The following APBA2 variants were observed in gnomAD, a reference collection of about 807,000 sequenced individuals.
APBA2 encodes amyloid-beta A4 precursor protein-binding family A member 2.
Under a neutral mutation model 75.0 loss-of-function variants are expected in APBA2, and 30 were observed. The ratio of observed to expected loss-of-function variants is 0.40; its 90% CI spans 0.30 to 0.54. The LOEUF (loss-of-function observed/expected upper bound fraction) is 0.54. APBA2 is among the 20% of genes least tolerant of loss of function. The pLI is 0.49. For missense variants in APBA2, 801 were observed against 1,016.1 expected, an observed-to-expected ratio of 0.79 and a Z score of 2.88; for synonymous variants, 444 against 409.6, an observed-to-expected ratio of 1.08 and a Z score of -1.01.
chr15:29,006,535 CA>C (rs1296578858), intron 3 of APBA2, among the ~76,000 whole-genome samples: 3 of 152,146 alleles, frequency 2.0e-5, no homozygotes, highest in African/African-American at 7.2e-5. Context: ...GGGTAATTTA[CA>C]AAGGAAAGAG....
intron 2 of APBA2, among the ~76,000 whole-genome samples, chr15:28,963,417 C>G (rs1364408415): frequency 6.6e-6 from 1 of 152,186 alleles, no homozygotes; most frequent in East Asian, 1.9e-4. Context: ...TGAAAGATGT[C>G]CTTTCATCCT....
intron 13 of APBA2, among the ~76,000 whole-genome samples, chr15:29,110,000 G>C (rs985524688): frequency 1.3e-5 from 2 of 152,204 alleles, no homozygotes; most frequent in African/African-American, 4.8e-5. Context: ...GGCCTGGTCC[G>C]GCTCTGCCTG....
At chr15:28,944,019 T>C (rs1413660534) in intron 2 of APBA2, among the ~76,000 whole-genome samples, 2 of 152,088 alleles carry the variant, frequency 1.3e-5, no homozygotes, top group African/African-American at 2.4e-5. Context: ...GCCCTAAACC[T>C]TGCATCCTGC....
chr15:29,059,530 G>T (rs71469197), intron 4 of APBA2, among the ~76,000 whole-genome samples: 1 of 152,102 alleles, frequency 6.6e-6, no homozygotes. Flanking sequence ...GTGATCTAGG[G>T]TCAGGGAAAT....
intron 2 of APBA2, among the ~76,000 whole-genome samples, chr15:28,952,859 A>G (rs2035964088): frequency 3.3e-5 from 5 of 152,234 alleles, no homozygotes. Flanking sequence ...TTGTATAGAT[A>G]GAGAAACTGA....
intron 3 of APBA2, among the ~76,000 whole-genome samples, chr15:29,029,740 G>A (rs922674751): frequency 1.3e-5 from 2 of 152,134 alleles, no homozygotes; most frequent in Admixed American, 6.5e-5. Context: ...GGGAAGGTGT[G>A]GTTCAGCAGT....
At chr15:29,057,192 A>G (rs1335048000) in intron 4 of APBA2, among the ~76,000 whole-genome samples, 1 of 152,168 alleles carries the variant, frequency 6.6e-6, no homozygotes, top group African/African-American at 2.4e-5. Context: ...TAGATGCTGT[A>G]GACTCCTGTT....
At chr15:28,972,696 A>G (rs1436471888) in intron 2 of APBA2, among the ~76,000 whole-genome samples, 1 of 152,256 alleles carries the variant, frequency 6.6e-6, no homozygotes, top group African/African-American at 2.4e-5. Context: ...ATCAGCTGGC[A>G]TTAGTGATAT....
At chr15:29,012,483 C>T (rs1566905397) in intron 3 of APBA2, among the ~76,000 whole-genome samples, 1 of 152,344 alleles carries the variant, frequency 6.6e-6, no homozygotes, top group East Asian at 1.9e-4. Context: ...ATGTTACCCT[C>T]AATCGTCTGA....
At chr15:29,017,389 CTTTCTTTCTT>C (rs2039717417) in intron 3 of APBA2, among the ~76,000 whole-genome samples, 1 of 131,518 alleles carries the variant, frequency 7.6e-6, no homozygotes, top group South Asian at 2.4e-4. Context: ...ATCTTCTTTT[CTTTCTTTCTT>C]TTTTTTTTTT....
intron 13 of APBA2, among the ~76,000 whole-genome samples, chr15:29,112,719 C>T (rs569182912): frequency 2.0e-5 from 3 of 152,308 alleles, no homozygotes; most frequent in South Asian, 4.1e-4. Flanking sequence ...AACTTAAAAT[C>T]GAGCATCATA....
intron 4 of APBA2, among the ~76,000 whole-genome samples, chr15:29,064,780 T>C (rs1253196113): frequency 6.6e-6 from 1 of 151,736 alleles, no homozygotes; most frequent in Non-Finnish European, 1.5e-5. Context: ...ACTGGGGAGC[T>C]GAGGGGAGGG....
chr15:29,113,935 C>T lies in APBA2; in HGVS notation c.2097C>T (p.Arg699=), dbSNP rs1334836276. The change falls in exon 14 of 15, where the codon CGC becomes CGT. Residue 699 remains arginine, a synonymous_variant. Transcript: ENST00000683413. ...GAGGGGGCGTCCGTGTGGGCCACCG[C>T]ATCATCGAGATCAACGGGCAGAGCG... ...AERGGVRVGH[R]IIEINGQSVV... is the part of the protein sequence containing the mutation. The T allele has an allele frequency of 6.2e-7, 1 of 1,613,578 alleles. No homozygotes were observed. The highest frequency in any genetic ancestry group is 1.3e-5 in the African/African-American group (1 of 75,048).
chr15:29,033,363 A>G (rs951452142), intron 3 of APBA2, among the ~76,000 whole-genome samples: 2 of 152,078 alleles, frequency 1.3e-5, no homozygotes, highest in African/African-American at 4.8e-5. Flanking sequence ...TTCTCCTACC[A>G]TGTATTAATA....
chr15:29,033,393 C>G (rs1381716555), intron 3 of APBA2, among the ~76,000 whole-genome samples: 1 of 152,084 alleles, frequency 6.6e-6, no homozygotes, highest in Non-Finnish European at 1.5e-5. Context: ...GCCTTAAACC[C>G]CTGATTCAAA....
At chr15:28,967,067 C>T (rs917402965) in intron 2 of APBA2, among the ~76,000 whole-genome samples, 2 of 152,182 alleles carry the variant, frequency 1.3e-5, no homozygotes, top group Admixed American at 1.3e-4. Context: ...GTCTCTTTTT[C>T]TGTTTGAAGA....
intron 3 of APBA2, among the ~76,000 whole-genome samples, chr15:29,017,667 G>C (rs1371896811): frequency 6.6e-6 from 1 of 151,976 alleles, no homozygotes; most frequent in African/African-American, 2.4e-5. Context: ...CAATGTGCCC[G>C]GCACCATCTT....
intron 4 of APBA2, among the ~76,000 whole-genome samples, chr15:29,070,465 C>G (rs1048196052): frequency 2.0e-5 from 3 of 152,160 alleles, no homozygotes; most frequent in Admixed American, 2.0e-4. Flanking sequence ...AGCCACAGAT[C>G]CGCTTTGAAA....
At chr15:29,106,845 A>T in intron 12 of APBA2, 26 bp downstream of exon 12, 1 of 1,604,460 alleles carries the variant, frequency 6.2e-7, no homozygotes, top group Non-Finnish European at 8.5e-7. Flanking sequence ...TCCTCCGCCC[A>T]GGGGTCACCT....
Sources: gnomAD v4.1 joint callset for allele counts (sites outside exome capture counted in the v4.1 genomes callset) on GRCh38, gnomAD v4.1.1 for gene constraint, MANE v1.5 for transcripts, NCBI Gene and HGNC (gene_info 2026-07-23, HGNC 2026-07-21) for gene names.